The following SLC44A1 variants were observed in gnomAD, a reference collection of about 807,000 sequenced individuals.
SLC44A1 encodes the protein choline transporter-like protein 1.
A neutral mutation model predicts 79.3 loss-of-function variants in SLC44A1; 26 were observed. That is an observed-to-expected ratio of 0.33 (90% CI 0.24 to 0.46). The LOEUF is 0.46. Among genes scored for constraint, SLC44A1 ranks in the 20% least tolerant of loss-of-function variants. The pLI is 1.00. For missense variants in SLC44A1, 688 were observed against 798.1 expected, an observed-to-expected ratio of 0.86 and a Z score of 1.66; for synonymous variants, 263 against 286.2, an observed-to-expected ratio of 0.92 and a Z score of 0.82.
At chr9:105,248,206 G>T (rs1032313208) in intron 1 of SLC44A1, among the ~76,000 whole-genome samples, 1 of 152,190 alleles carries the variant, frequency 6.6e-6, no homozygotes, top group Admixed American at 6.5e-5. Flanking sequence ...TAAATAAAGT[G>T]CATTTTCTTT....
In SLC44A1 at chr9:105,244,783, C is replaced by T; in HGVS notation, c.-86C>T. On this transcript the variant is annotated 5_prime_UTR_variant, in exon 1 of 16. Coordinates refer to ENST00000374720, the MANE Select transcript of SLC44A1 (RefSeq NM_080546.5). ...CCGTGCGGTGCCAGGCCGCGCCCTC[C>T]CCGGGCGCCCGCCGGCTCGCATGCC... The T allele has an allele frequency of 3.7e-6, 3 of 820,832 alleles. No individual in the cohort carries two copies. Among genetic ancestry groups the T allele is most frequent in the Non-Finnish European group, 3.1e-6 (2 of 641,932 alleles). 50.8% of individuals were successfully genotyped at this position (820,832 alleles called of 1,614,324 possible). A position where few individuals can be genotyped will look rare whatever the true frequency, so the allele number is the denominator to read the frequency against.
intron 5 of SLC44A1, among the ~76,000 whole-genome samples, chr9:105,350,757 A>C (rs1164064358): frequency 6.6e-6 from 1 of 152,242 alleles, no homozygotes; most frequent in African/African-American, 2.4e-5. Context: ...ATTAAACAAG[A>C]TAATATACAT....
chr9:105,436,163 AC>A (rs1359311084), intron 15 of SLC44A1, among the ~76,000 whole-genome samples: 7 of 152,268 alleles, frequency 4.6e-5, no homozygotes, highest in African/African-American at 1.7e-4. Context: ...GTGCCACTGC[AC>A]CCCATCCTGG....
intron 15 of SLC44A1, among the ~76,000 whole-genome samples, chr9:105,417,399 C>T (rs1488374022): frequency 6.6e-6 from 1 of 152,122 alleles, no homozygotes; most frequent in African/African-American, 2.4e-5. Flanking sequence ...GTTTCACCCT[C>T]CTCCCTCCTG....
chr9:105,323,174 C>T (rs1189227862), intron 3 of SLC44A1, among the ~76,000 whole-genome samples: 1 of 147,166 alleles, frequency 6.8e-6, no homozygotes, highest in African/African-American at 2.5e-5. Flanking sequence ...CGAGATCATG[C>T]CATTGCACTA....
chr9:105,420,753 C>T (rs926802539), intron 15 of SLC44A1, among the ~76,000 whole-genome samples: 19 of 148,688 alleles, frequency 1.3e-4, no homozygotes, highest in African/African-American at 4.2e-4. Flanking sequence ...CACAGCTACT[C>T]GGGAGGCTAA....
intron 3 of SLC44A1, among the ~76,000 whole-genome samples, chr9:105,325,266 C>A (rs575862253): frequency 1.8e-4 from 28 of 152,140 alleles, no homozygotes; most frequent in Non-Finnish European, 3.7e-4. Flanking sequence ...TGGTACAATT[C>A]TCTTTATATG....
At chr9:105,314,743 G>A (rs1363268337) in intron 3 of SLC44A1, among the ~76,000 whole-genome samples, 1 of 152,010 alleles carries the variant, frequency 6.6e-6, no homozygotes, top group Non-Finnish European at 1.5e-5. Flanking sequence ...ATCTATAGGG[G>A]GTGCATTTTA....
intron 15 of SLC44A1, among the ~76,000 whole-genome samples, chr9:105,437,760 C>CA (rs1245154559): frequency 2.0e-5 from 3 of 152,156 alleles, no homozygotes; most frequent in Middle Eastern, 3.2e-3. Context: ...GTGAAAAATT[C>CA]AAAGTTTCAT....
chr9:105,357,701 T>C (rs184920664), intron 6 of SLC44A1, among the ~76,000 whole-genome samples: 1 of 152,180 alleles, frequency 6.6e-6, no homozygotes, highest in Non-Finnish European at 1.5e-5. Context: ...ACAGCTTTGC[T>C]CCTTTTTGAG....
intron 3 of SLC44A1, among the ~76,000 whole-genome samples, chr9:105,314,587 T>C (rs950759346): frequency 6.6e-6 from 1 of 152,202 alleles, no homozygotes; most frequent in Non-Finnish European, 1.5e-5. Context: ...CTTCTTGTCT[T>C]TCTTCCAAGG....
intron 15 of SLC44A1, among the ~76,000 whole-genome samples, chr9:105,435,778 C>G (rs2131529548): frequency 6.6e-6 from 1 of 152,254 alleles, no homozygotes; most frequent in South Asian, 2.1e-4. Flanking sequence ...TGTTGGTTCA[C>G]TAGTTGTGAC....
At chr9:105,348,262 G>T in intron 4 of SLC44A1, 96 bp from the exon 5 acceptor site, 1 of 654,276 alleles carries the variant, frequency 1.5e-6, no homozygotes. Context: ...ATAATGTTTG[G>T]AAAGTTGCAT....
chr9:105,353,877 T>C (rs1003109464), intron 5 of SLC44A1, among the ~76,000 whole-genome samples: 2 of 152,032 alleles, frequency 1.3e-5, no homozygotes, highest in Non-Finnish European at 2.9e-5. Flanking sequence ...AACCAGGCTT[T>C]ATTTTAAAAA....
intron 15 of SLC44A1, among the ~76,000 whole-genome samples, chr9:105,433,058 G>A (rs1829417696): frequency 1.3e-5 from 2 of 152,168 alleles, no homozygotes; most frequent in Non-Finnish European, 2.9e-5. Context: ...ACTTTGGGAG[G>A]CCGAAGCGGG....
chr9:105,418,742 G>A (rs1045380874), intron 15 of SLC44A1, among the ~76,000 whole-genome samples: 18 of 152,282 alleles, frequency 1.2e-4, no homozygotes, highest in African/African-American at 4.1e-4. Context: ...TAAGCAGCTT[G>A]TGCCTGACTG....
At position 105,348,353 on chromosome 9, in the gene SLC44A1, A is replaced by C. The variant is rs779371576; in HGVS notation, c.407-5A>C. The C allele has an allele frequency of 6.4e-7, 1 of 1,566,730 alleles. No homozygotes were observed. ...TGCCACCTAACATAATTTTTCTTTC[A>C]ACAGGTTCAGCCCTATGTAGCTACA... On this transcript the variant is annotated splice_polypyrimidine_tract_variant and splice_region_variant and intron_variant, in intron 4 of 15. Coordinates refer to ENST00000374720, the MANE Select transcript of SLC44A1 (RefSeq NM_080546.5).
At chr9:105,287,987 A>G (rs1052342604) in intron 1 of SLC44A1, among the ~76,000 whole-genome samples, 1 of 152,252 alleles carries the variant, frequency 6.6e-6, no homozygotes. Context: ...CATATATTAT[A>G]TATAATGTAT....
intron 15 of SLC44A1, chr9:105,386,712 A>G (rs889702021): frequency 3.3e-5 from 5 of 151,726 alleles, no homozygotes; most frequent in Admixed American, 3.3e-4. Flanking sequence ...ACTTTAAAAT[A>G]TATGCTATAA....
Sources: gnomAD v4.1 joint callset for allele counts (sites outside exome capture counted in the v4.1 genomes callset) on GRCh38, gnomAD v4.1.1 for gene constraint, MANE v1.5 for transcripts, NCBI Gene and HGNC (gene_info 2026-07-23, HGNC 2026-07-21) for gene names.